Variants in MAP2K5 observed in about 807,000 individuals in gnomAD.
MAP2K5 encodes the protein mitogen-activated protein kinase kinase 5.
Under a neutral mutation model 83.1 loss-of-function variants are expected in MAP2K5, and 49 were observed. The ratio of observed to expected loss-of-function variants is 0.59; its 90% CI spans 0.47 to 0.75. MAP2K5 has a LOEUF of 0.75. Ranked by LOEUF, MAP2K5 falls within the 30% of genes least tolerant of loss-of-function variation. MAP2K5 has a pLI of 0.00. For missense variants in MAP2K5, 457 were observed against 557.5 expected (o/e 0.82, Z 1.82); for synonymous variants, 202 against 191.8 (o/e 1.05, Z -0.44).
chr15:67,547,077 A>AACAAACACACACAC (rs1555524641), intron 1 of MAP2K5, among the ~76,000 whole-genome samples: 1 of 144,092 alleles, frequency 6.9e-6, no homozygotes, highest in African/African-American at 2.6e-5. Context: ...AAAAGAAGAA[A>AACAAACACACACAC]ACACACACAC....
intron 19 of MAP2K5, among the ~76,000 whole-genome samples, chr15:67,766,320 C>A (rs573881283): frequency 1.3e-5 from 2 of 152,298 alleles, no homozygotes; most frequent in East Asian, 3.9e-4. Context: ...GGAAAAGCAT[C>A]TGGAAGAAAA....
chr15:67,557,092 C>T (rs2084642561), intron 2 of MAP2K5, among the ~76,000 whole-genome samples: 1 of 152,154 alleles, frequency 6.6e-6, no homozygotes, highest in South Asian at 2.1e-4. Flanking sequence ...CATATAGGCC[C>T]AGAGACCCCT....
rs2084784969 is a variant in MAP2K5, at chr15:67,563,728, A to G, written c.252+378A>G. ...AACTGGAGATCTCTCTCACCCTTCCAGACTATAGTTTACAATGTAGCTGCA... is the reference window on the plus strand; with the variant it reads ...AACTGGAGATCTCTCTCACCCTTCCGGACTATAGTTTACAATGTAGCTGCA... On this transcript the variant is annotated intron_variant, in intron 3 of 21. Transcript: ENST00000178640. The surrounding 1 kb of genome is among the most constrained non-coding windows in gnomAD (Gnocchi z 4.5). Among the ~76,000 whole-genome samples the G allele has an allele frequency of 6.6e-6, 1 of 152,138 alleles. No individual in the cohort carries two copies. The highest frequency in any genetic ancestry group is 1.5e-5 in the Non-Finnish European group (1 of 68,026).
In MAP2K5 at chr15:67,567,222, G is replaced by T. The variant is rs547898995; in HGVS notation, c.252+3872G>T. Among the ~76,000 whole-genome samples, 26 of 152,248 alleles carry T rather than the reference G, an allele frequency of 1.7e-4. No homozygotes were observed. The East Asian group carries it at 4.4e-3, about 26-fold the overall frequency. On this transcript the variant is annotated intron_variant, in intron 3 of 21. Transcript: ENST00000178640. ...CATTGTGATAGCTGCTCTGCATTTT[G>T]TTATGAGTTTGTGTTAATCAACAAT...
chr15:67,751,344 C>T (rs886626745), intron 19 of MAP2K5, among the ~76,000 whole-genome samples: 6 of 152,090 alleles, frequency 3.9e-5, no homozygotes, highest in African/African-American at 2.4e-5. Flanking sequence ...TCTGAATTGT[C>T]GCTGGCTAGC....
In MAP2K5 at chr15:67,781,682, C is replaced by A. The variant is rs2090330855; in HGVS notation, c.1242+8930C>A. On this transcript the variant is annotated intron_variant, in intron 21 of 21. Coordinates refer to ENST00000178640, the MANE Select transcript of MAP2K5 (RefSeq NM_145160.3). The surrounding 1 kb of genome is among the most constrained non-coding windows in gnomAD (Gnocchi z 4.0). ...CTGAAGTAGGAGAATAGGTACCATT[C>A]ATTTATTTGTGCAAAAGTTCCCTTG... 1.3e-5 allele frequency among the ~76,000 whole-genome samples: 2 copies of A among 152,162 alleles called. No homozygotes were observed. The highest frequency in any genetic ancestry group is 2.9e-5 in the Non-Finnish European group (2 of 68,030).
Position 67,587,109 on chromosome 15 carries a change from C to T in MAP2K5, c.431+196C>T, listed in dbSNP as rs142366502. ...TGAGAAGGCTCTCTGGGGAGAGTGA[C>T]GTTTCTGTTTTGACCTGAAGAAGCA... is the stretch of plus-strand genomic sequence containing the variant. On this transcript the variant is annotated intron_variant, in intron 6 of 21. Transcript: ENST00000178640. The surrounding 1 kb of genome is among the most constrained non-coding windows in gnomAD (Gnocchi z 4.8). 4.1e-3 allele frequency among the ~76,000 whole-genome samples: 630 copies of T among 152,142 alleles called. 8 individuals carry two copies. The highest frequency in any genetic ancestry group is 3.1e-3 in the Non-Finnish European group (212 of 67,982).
At position 67,748,431 on chromosome 15, in the gene MAP2K5, A is replaced by G. The variant is rs1487328242; in HGVS notation, c.1102-138A>G. On this transcript the variant is annotated intron_variant, in intron 18 of 21. Transcript: ENST00000178640. This position sits in a 1 kb window ranked among gnomAD's most constrained non-coding sequence, Gnocchi z 4.0. ...TTAGAAATAATAGAACCTCCTGAGC[A>G]TCAATGTTTTTATAAGAGTTTGCTG... is the stretch of plus-strand genomic sequence containing the variant. 2 of 840,818 alleles carry G rather than the reference A, an allele frequency of 2.4e-6. No homozygotes were observed. Among genetic ancestry groups the G allele is most frequent in the South Asian group, 1.6e-5 (1 of 61,272 alleles). 52.1% of individuals were successfully genotyped at this position (840,818 alleles called of 1,614,324 possible).
intron 2 of MAP2K5, among the ~76,000 whole-genome samples, chr15:67,553,663 C>T (rs1222724274): frequency 6.6e-6 from 1 of 151,990 alleles, no homozygotes; most frequent in Non-Finnish European, 1.5e-5. Flanking sequence ...CCTGTAATCC[C>T]AGCACTTTGG....
chr15:67,767,975 ATTAAAT>A (rs749775619), intron 19 of MAP2K5, among the ~76,000 whole-genome samples: 4 of 152,160 alleles, frequency 2.6e-5, no homozygotes, highest in African/African-American at 4.8e-5. Flanking sequence ...GGATGAATAG[ATTAAAT>A]TTAAAGAGGA....
At chr15:67,703,547 T>G in intron 16 of MAP2K5, 139 bp downstream of exon 16, 1 of 648,650 alleles carries the variant, frequency 1.5e-6, no homozygotes, top group Admixed American at 3.0e-5. Context: ...GACCATAAAG[T>G]CTTTGATTCC....
intron 15 of MAP2K5, among the ~76,000 whole-genome samples, chr15:67,695,001 T>C (rs1359813482): frequency 1.3e-5 from 2 of 151,430 alleles, no homozygotes; most frequent in Non-Finnish European, 2.9e-5. Flanking sequence ...CAGTAAACTA[T>C]TGCAAGAACA....
chr15:67,699,805 CA>C (rs1334141001), intron 15 of MAP2K5, among the ~76,000 whole-genome samples: 1 of 152,022 alleles, frequency 6.6e-6, no homozygotes, highest in African/African-American at 2.4e-5. Flanking sequence ...AAGTCCTAAA[CA>C]AAACTTCTAG....
At chr15:67,575,896 T>C (rs59244439) in intron 3 of MAP2K5, among the ~76,000 whole-genome samples, 53 of 68,400 alleles carry the variant, frequency 7.7e-4, no homozygotes, top group African/African-American at 3.1e-3. Flanking sequence ...TCTCTTCTTT[T>C]TTTCTTTCTT....
intron 7 of MAP2K5, among the ~76,000 whole-genome samples, chr15:67,598,770 G>T (rs1333874100): frequency 6.6e-6 from 1 of 152,186 alleles, no homozygotes; most frequent in Non-Finnish European, 1.5e-5. Context: ...CCTCCAGAGT[G>T]TAGACTCTAT....
chr15:67,649,614 C>G (rs1308856502), intron 11 of MAP2K5, among the ~76,000 whole-genome samples: 1 of 152,064 alleles, frequency 6.6e-6, no homozygotes, highest in Non-Finnish European at 1.5e-5. Context: ...TCTTGTTATA[C>G]TTGTTGAAAA....
chr15:67,705,420 A>T (rs2088526016), intron 16 of MAP2K5, among the ~76,000 whole-genome samples: 1 of 152,084 alleles, frequency 6.6e-6, no homozygotes, highest in African/African-American at 2.4e-5. Flanking sequence ...TCAGGTGGGG[A>T]TAAGTCCCAT....
In MAP2K5 at chr15:67,783,447, G is replaced by A. The variant is rs780257795; in HGVS notation, c.1242+10695G>A. On this transcript the variant is annotated intron_variant, in intron 21 of 21. Coordinates refer to ENST00000178640, the MANE Select transcript of MAP2K5 (RefSeq NM_145160.3). The surrounding 1 kb of genome is among the most constrained non-coding windows in gnomAD (Gnocchi z 5.1). Reference sequence around the variant, plus strand: ...TTGTGCTGTTTTCTCACCGCCAGATGGTGAACTTCTCCACCTCCGAAACCC... The same window carrying A: ...TTGTGCTGTTTTCTCACCGCCAGATAGTGAACTTCTCCACCTCCGAAACCC... Among the ~76,000 whole-genome samples, 1 of 152,176 alleles carries A rather than the reference G, an allele frequency of 6.6e-6. No homozygotes were observed. The highest frequency in any genetic ancestry group is 1.5e-5 in the Non-Finnish European group (1 of 68,040).
chr15:67,571,823 C>G (rs1489072383), intron 3 of MAP2K5, among the ~76,000 whole-genome samples: 1 of 152,126 alleles, frequency 6.6e-6, no homozygotes, highest in African/African-American at 2.4e-5. Context: ...TTTCCTCATT[C>G]ATCCAATCAG....
Sources: gnomAD v4.1 joint callset for allele counts (sites outside exome capture counted in the v4.1 genomes callset) on GRCh38, gnomAD v4.1.1 for gene constraint, Gnocchi (gnomAD v3.1) non-coding constraint, MANE v1.5 for transcripts, NCBI Gene and HGNC (gene_info 2026-07-23, HGNC 2026-07-21) for gene names.